KIF6: variants seen among roughly 807,000 people sequenced by gnomAD.
The protein encoded by KIF6 is kinesin-like protein KIF6.
KIF6 carries 106 observed loss-of-function variants against 112.7 expected under a neutral mutation model. The observed-to-expected ratio is 0.94, with a 90% CI of 0.80 to 1.11. The LOEUF (loss-of-function observed/expected upper bound fraction) is 1.11, where lower values mean the gene tolerates loss of function less well. Among genes scored for constraint, KIF6 ranks in the 50% least tolerant of loss-of-function variants. The probability of loss-of-function intolerance (pLI) is 0.00; values close to 1 mark genes in which losing one functional copy is unlikely to be tolerated. For missense variants in KIF6, 929 were observed against 964.0 expected (o/e 0.96, Z 0.48); for synonymous variants, 339 against 339.9 (o/e 1.00, Z 0.03).
chr6:39,526,398 T>A lies in KIF6; in HGVS notation c.1645+13605A>T, dbSNP rs59617761. Among the ~76,000 whole-genome samples the A allele has an allele frequency of 1.8e-4, 27 of 152,286 alleles. No homozygotes were observed. In the South Asian group the frequency reaches 5.0e-3, roughly 28 times the overall value. On this transcript the variant is annotated intron_variant, in intron 13 of 22. Coordinates refer to ENST00000287152, the MANE Select transcript of KIF6 (RefSeq NM_145027.6). ...CCCTCAACTATCCAGTCCCTTTTCT[T>A]GTGCGTTTATTACACTGAAAGACAG...
chr6:39,460,930 T>C (rs943292353), intron 13 of KIF6, among the ~76,000 whole-genome samples: 1 of 152,236 alleles, frequency 6.6e-6, no homozygotes, highest in Non-Finnish European at 1.5e-5. Context: ...CTTCAACTCA[T>C]TCTTCTAATT....
rs1257047456 is a variant in KIF6, at chr6:39,443,159, TA to T, written c.1646-11999del. ...ATAATAATAATAATAATAATAATAA[TA>T]AATAAAAATAAAAAAAAGAAAGAGG... On this transcript the variant is annotated intron_variant, in intron 13 of 22. Transcript: ENST00000287152. 3.8e-3 allele frequency among the ~76,000 whole-genome samples: 493 copies of T among 130,046 alleles called. 4 individuals carry two copies. The highest frequency in any genetic ancestry group is 0.022 in the East Asian group (94 of 4,298). The allele number at this position is 130,046 out of a possible 152,430, so 85.3% of individuals were successfully genotyped here.
intron 13 of KIF6, among the ~76,000 whole-genome samples, chr6:39,478,718 T>TGG (rs1451687154): frequency 1.9e-3 from 282 of 150,786 alleles, no homozygotes; most frequent in African/African-American, 6.3e-3. Flanking sequence ...TTTTTTTTTT[T>TGG]TGGTGGTAGA....
intron 22 of KIF6, 69 bp from the exon 23 acceptor site, chr6:39,336,617 C>CG (rs1318239211): frequency 3.4e-6 from 5 of 1,483,654 alleles, no homozygotes; most frequent in South Asian, 2.3e-5. Context: ...AGGATTGAAT[C>CG]GGGGGGAGGG....
At chr6:39,479,317 G>A (rs370125364) in intron 13 of KIF6, among the ~76,000 whole-genome samples, 13 of 152,200 alleles carry the variant, frequency 8.5e-5, no homozygotes, top group South Asian at 4.1e-4. Context: ...TCTCCTACAC[G>A]TGGCTTGCCA....
At chr6:39,392,887 A>T (rs966833629) in intron 15 of KIF6, among the ~76,000 whole-genome samples, 1 of 152,214 alleles carries the variant, frequency 6.6e-6, no homozygotes, top group Admixed American at 6.5e-5. Context: ...AGCAGTTGAG[A>T]TTTTCCAGCA....
chr6:39,683,696 A>G (rs302567), intron 3 of KIF6, among the ~76,000 whole-genome samples: 135,065 of 152,202 alleles, frequency 0.89, 60,470 homozygotes, highest in East Asian at 0.97. Context: ...AGGGCTCATG[A>G]AGGAGAGGAG....
At chr6:39,634,234 C>A (rs1269071166) in intron 5 of KIF6, among the ~76,000 whole-genome samples, 2 of 152,010 alleles carry the variant, frequency 1.3e-5, no homozygotes, top group African/African-American at 4.8e-5. Flanking sequence ...TAATATATGT[C>A]TAATATAGGC....
chr6:39,574,487 T>C (rs1780820963), intron 10 of KIF6, among the ~76,000 whole-genome samples: 2 of 152,334 alleles, frequency 1.3e-5, no homozygotes, highest in Admixed American at 1.3e-4. Flanking sequence ...TTTGTTTCCT[T>C]AGCACTAGAT....
At chr6:39,355,916 A>C (rs192436596) in intron 19 of KIF6, among the ~76,000 whole-genome samples, 1 of 152,148 alleles carries the variant, frequency 6.6e-6, no homozygotes, top group East Asian at 1.9e-4. Flanking sequence ...ATTTGCCACA[A>C]TCACTGAACC....
In KIF6 at chr6:39,362,413, TG is replaced by T; in HGVS notation, c.1946+20del. On this transcript the variant is annotated intron_variant, in intron 17 of 22. Coordinates refer to ENST00000287152, the MANE Select transcript of KIF6 (RefSeq NM_145027.6). ...CCTGGGAGGCTGGGCTCGGACTGTGTGTGGCTAAAAGGAAGGGCACCTTCTC... is the reference window on the plus strand; with the variant it reads ...CCTGGGAGGCTGGGCTCGGACTGTGTTGGCTAAAAGGAAGGGCACCTTCTC... The T allele has an allele frequency of 6.3e-7, 1 of 1,596,356 alleles. No individual in the cohort carries two copies. Among genetic ancestry groups the T allele is most frequent in the Non-Finnish European group, 8.6e-7 (1 of 1,164,362 alleles).
At position 39,480,183 on chromosome 6, in the gene KIF6, G is replaced by A. The variant is rs568471460; in HGVS notation, c.1646-49022C>T. ...CCCCATTCTGTATAATGTTGGCTGT[G>A]GGTTTGTCATGGATGGCTTTTTATT... On this transcript the variant is annotated intron_variant, in intron 13 of 22. Coordinates refer to ENST00000287152, the MANE Select transcript of KIF6 (RefSeq NM_145027.6). Among the ~76,000 whole-genome samples the A allele has an allele frequency of 5.3e-5, 8 of 152,202 alleles. No individual in the cohort carries two copies. In the South Asian group the frequency reaches 1.5e-3, roughly 28 times the overall value.
At chr6:39,683,632 C>T (rs1042564812) in intron 3 of KIF6, among the ~76,000 whole-genome samples, 1 of 152,162 alleles carries the variant, frequency 6.6e-6, no homozygotes, top group Admixed American at 6.5e-5. Flanking sequence ...TGAATGAGAT[C>T]ATAAAGAGAT....
At chr6:39,675,936 G>A (rs1787110151) in intron 3 of KIF6, among the ~76,000 whole-genome samples, 1 of 151,220 alleles carries the variant, frequency 6.6e-6, no homozygotes, top group Admixed American at 6.6e-5. Flanking sequence ...ATGCAAGAAA[G>A]AGCAATAAAA....
chr6:39,339,809 C>G (rs1763221212), intron 22 of KIF6, among the ~76,000 whole-genome samples: 1 of 152,190 alleles, frequency 6.6e-6, no homozygotes, highest in African/African-American at 2.4e-5. Flanking sequence ...AATCCTAAAT[C>G]AAATAGATTC....
intron 13 of KIF6, among the ~76,000 whole-genome samples, chr6:39,512,752 C>A (rs2150512229): frequency 6.6e-6 from 1 of 152,288 alleles, no homozygotes; most frequent in Non-Finnish European, 1.5e-5. Context: ...TCCTTTCAAC[C>A]AGAGGCCTAG....
At chr6:39,576,132 AT>A (rs968542285) in intron 10 of KIF6, among the ~76,000 whole-genome samples, 10 of 151,244 alleles carry the variant, frequency 6.6e-5, no homozygotes, top group East Asian at 1.9e-4. Flanking sequence ...ACTGGTACTG[AT>A]TTTTTTTTCT....
intron 13 of KIF6, among the ~76,000 whole-genome samples, chr6:39,533,307 C>T (rs1562294070): frequency 6.6e-6 from 1 of 152,206 alleles, no homozygotes; most frequent in Non-Finnish European, 1.5e-5. Flanking sequence ...CACTCCCACC[C>T]TAATACTGCG....
intron 7 of KIF6, among the ~76,000 whole-genome samples, chr6:39,593,848 C>T (rs1195401369): frequency 2.0e-5 from 3 of 152,164 alleles, no homozygotes; most frequent in Non-Finnish European, 4.4e-5. Flanking sequence ...AGTCAGATAC[C>T]CTGCTACAAG....
Sources: allele counts gnomAD v4.1 joint callset (sites outside exome capture counted in the v4.1 genomes callset), GRCh38; gene constraint gnomAD v4.1.1; transcripts MANE v1.5; gene names NCBI Gene and HGNC (gene_info 2026-07-23, HGNC 2026-07-21).